The following GPC5 variants were observed in gnomAD, a reference collection of about 807,000 sequenced individuals.
GPC5 encodes the protein glypican 5, also known as glypican-5.
In GPC5, 47 loss-of-function variants were observed where a neutral mutation model predicts 53.9. That is an observed-to-expected ratio of 0.87 (90% confidence interval 0.69 to 1.11). The LOEUF is 1.11. Among genes scored for constraint, GPC5 ranks in the 50% most tolerant of loss-of-function variants. The pLI is 0.00. For missense variants in GPC5, 748 were observed against 713.1 expected (o/e 1.05, Z -0.56); for synonymous variants, 286 against 263.3 (o/e 1.09, Z -0.84).
chr13:91,924,969 G>A (rs2039752874), intron 6 of GPC5, among the ~76,000 whole-genome samples: 1 of 151,682 alleles, frequency 6.6e-6, no homozygotes, highest in Non-Finnish European at 1.5e-5. Context: ...ACAGGTGCCT[G>A]CCAACACGCC....
intron 7 of GPC5, among the ~76,000 whole-genome samples, chr13:92,419,602 C>T (rs1180288335): frequency 1.3e-5 from 2 of 152,090 alleles, no homozygotes; most frequent in African/African-American, 2.4e-5. Context: ...AACTCTCTGA[C>T]CAGAACTCAA....
At chr13:91,896,574 T>A in intron 5 of GPC5, among the ~76,000 whole-genome samples, 1 of 152,064 alleles carries the variant, frequency 6.6e-6, no homozygotes, top group Non-Finnish European at 1.5e-5. Flanking sequence ...ATGAAAGGAC[T>A]GAGAAAGGAG....
intron 2 of GPC5, among the ~76,000 whole-genome samples, chr13:91,648,739 C>T (rs2034623800): frequency 6.6e-6 from 1 of 152,036 alleles, no homozygotes; most frequent in Admixed American, 6.6e-5. Context: ...GATATATTAC[C>T]ACCATTGATT....
chr13:92,747,880 C>A (rs771874679), intron 7 of GPC5, among the ~76,000 whole-genome samples: 7 of 152,160 alleles, frequency 4.6e-5, no homozygotes, highest in Non-Finnish European at 7.4e-5. Context: ...AAGCTTGTAG[C>A]TCAACCAAAA....
Position 92,355,347 on chromosome 13 carries a change from T to A in GPC5, c.1561+210358T>A, listed in dbSNP as rs142632437. ...TTTTAAGTTATCTGAGGAAACCTCA[T>A]CTGAATCTGCAGTATTAAAACCTAA... On this transcript the variant is annotated intron_variant, in intron 7 of 7. Coordinates refer to ENST00000377067, the MANE Select transcript of GPC5 (RefSeq NM_004466.6). Among the ~76,000 whole-genome samples the A allele has an allele frequency of 4.6e-5, 7 of 152,014 alleles. No individual in the cohort carries two copies. In the East Asian group the frequency reaches 1.4e-3, roughly 29 times the overall value.
chr13:91,963,122 C>A (rs181049924), intron 6 of GPC5, among the ~76,000 whole-genome samples: 1 of 152,208 alleles, frequency 6.6e-6, no homozygotes, highest in Admixed American at 6.6e-5. Flanking sequence ...GACTTCTCAT[C>A]TTCAAACAGG....
chr13:92,599,552 G>C (rs1039436685), intron 7 of GPC5, among the ~76,000 whole-genome samples: 1 of 152,164 alleles, frequency 6.6e-6, no homozygotes, highest in Non-Finnish European at 1.5e-5. Flanking sequence ...GGAAAATGAA[G>C]GGGCTGATAA....
At chr13:91,517,640 T>A (rs1316858886) in intron 2 of GPC5, among the ~76,000 whole-genome samples, 1 of 152,194 alleles carries the variant, frequency 6.6e-6, no homozygotes, top group Admixed American at 6.5e-5. Context: ...TTCCAGTATC[T>A]TTTCAACAAT....
chr13:91,629,683 T>A (rs2034105930), intron 2 of GPC5, among the ~76,000 whole-genome samples: 1 of 152,126 alleles, frequency 6.6e-6, no homozygotes, highest in African/African-American at 2.4e-5. Context: ...GGACTAGGAC[T>A]TAAAAGGCAT....
chr13:91,543,222 A>C (rs1311861043), intron 2 of GPC5, among the ~76,000 whole-genome samples: 1 of 151,564 alleles, frequency 6.6e-6, no homozygotes, highest in Admixed American at 6.6e-5. Flanking sequence ...CGAACTCCTG[A>C]CCTCAGGTGA....
At chr13:91,790,752 CT>C (rs1162833970) in intron 5 of GPC5, among the ~76,000 whole-genome samples, 1 of 152,192 alleles carries the variant, frequency 6.6e-6, no homozygotes, top group Non-Finnish European at 1.5e-5. Flanking sequence ...AGAATAGCCT[CT>C]TTGTGGTAGC....
chr13:92,004,056 G>T (rs1453609553), intron 6 of GPC5, among the ~76,000 whole-genome samples: 3 of 152,108 alleles, frequency 2.0e-5, no homozygotes, highest in Admixed American at 2.0e-4. Flanking sequence ...TTTAGCTGAA[G>T]CTATTTTTCC....
At chr13:92,506,840 C>G (rs1352863443) in intron 7 of GPC5, among the ~76,000 whole-genome samples, 2 of 152,068 alleles carry the variant, frequency 1.3e-5, no homozygotes, top group Non-Finnish European at 2.9e-5. Context: ...TTTCTGGAAA[C>G]AAATGAAAAA....
intron 6 of GPC5, among the ~76,000 whole-genome samples, chr13:92,033,442 TACC>T (rs1318601761): frequency 6.6e-6 from 1 of 152,296 alleles, no homozygotes; most frequent in Non-Finnish European, 1.5e-5. Flanking sequence ...CAAGGAAATT[TACC>T]ACCGTCTTCT....
chr13:92,853,699 A>C (rs1301038669), intron 7 of GPC5, among the ~76,000 whole-genome samples: 1 of 152,166 alleles, frequency 6.6e-6, no homozygotes, highest in African/African-American at 2.4e-5. Flanking sequence ...TAGAAGAAGA[A>C]ACTGGAGAAC....
chr13:91,631,153 C>A (rs1465104915), intron 2 of GPC5, among the ~76,000 whole-genome samples: 2 of 152,092 alleles, frequency 1.3e-5, no homozygotes, highest in African/African-American at 4.8e-5. Flanking sequence ...CCAGCATAGC[C>A]AGAATGGGTG....
At chr13:92,357,256 G>C (rs1356092564) in intron 7 of GPC5, among the ~76,000 whole-genome samples, 1 of 151,700 alleles carries the variant, frequency 6.6e-6, no homozygotes, top group South Asian at 2.1e-4. Context: ...TGAGTTGAAT[G>C]GTAGTTCTGT....
At chr13:92,792,543 A>T (rs950410704) in intron 7 of GPC5, among the ~76,000 whole-genome samples, 1 of 152,166 alleles carries the variant, frequency 6.6e-6, no homozygotes, top group African/African-American at 2.4e-5. Context: ...ACATAACAAT[A>T]TTAACCTTAA....
At chr13:92,226,263 G>A (rs1394603661) in intron 7 of GPC5, among the ~76,000 whole-genome samples, 1 of 152,140 alleles carries the variant, frequency 6.6e-6, no homozygotes, top group African/African-American at 2.4e-5. Flanking sequence ...ATAGCAGTGT[G>A]AAAACACACT....
Sources: gnomAD v4.1 joint callset for allele counts (sites outside exome capture counted in the v4.1 genomes callset) on GRCh38, gnomAD v4.1.1 for gene constraint, MANE v1.5 for transcripts, NCBI Gene and HGNC (gene_info 2026-07-23, HGNC 2026-07-21) for gene names.